Variants in TENM3 observed in about 807,000 individuals in gnomAD.
TENM3 encodes teneurin transmembrane protein 3.
Under a neutral mutation model 255.1 loss-of-function variants are expected in TENM3, and 63 were observed. The ratio of observed to expected loss-of-function variants is 0.25; its 90% CI spans 0.20 to 0.30. TENM3 has a LOEUF of 0.30. TENM3 is among the 10% of genes least tolerant of loss of function. The pLI is 1.00. For missense variants in TENM3, 2,929 were observed against 3,461.1 expected (o/e 0.85, Z 3.86); for synonymous variants, 1,306 against 1,322.3 (o/e 0.99, Z 0.27).
intron 1 of TENM3, among the ~76,000 whole-genome samples, chr4:182,160,060 C>T (rs7680780): frequency 0.15 from 22,313 of 146,724 alleles, 2,489 homozygotes; most frequent in East Asian, 0.38. Context: ...TGGAGTGCAG[C>T]GGTGCGATCT....
At chr4:182,394,170 A>G (rs986365303) in intron 3 of TENM3, among the ~76,000 whole-genome samples, 9 of 152,162 alleles carry the variant, frequency 5.9e-5, no homozygotes, top group African/African-American at 2.2e-4. Context: ...TTGGTCTCTA[A>G]CTGCTCGTGG....
the TENM3 span, among the ~76,000 whole-genome samples, chr4:181,968,990 C>CTATATATATA: frequency 6.3e-5 from 6 of 94,840 alleles, no homozygotes; most frequent in South Asian, 2.0e-3. Flanking sequence ...CTCTCTCTCT[C>CTATATATATA]TCTATATACA....
the TENM3 span, among the ~76,000 whole-genome samples, chr4:181,648,725 A>G: frequency 1.5e-3 from 229 of 152,288 alleles, no homozygotes; most frequent in South Asian, 4.8e-3. Flanking sequence ...TTAATTCTAA[A>G]CCTGTGTCCT....
intron 3 of TENM3, among the ~76,000 whole-genome samples, chr4:182,367,100 A>C (rs913595007): frequency 5.9e-5 from 9 of 152,028 alleles, no homozygotes; most frequent in African/African-American, 2.2e-4. Context: ...AGAGAAAAGC[A>C]ATGAGGATTC....
At chr4:181,485,566 A>C in the TENM3 span, among the ~76,000 whole-genome samples, 2 of 152,178 alleles carry the variant, frequency 1.3e-5, no homozygotes, top group African/African-American at 4.8e-5. Context: ...ACAGATTTTC[A>C]AAGTGGAAAC....
intron 23 of TENM3, 80 bp downstream of exon 23, chr4:182,773,727 C>A: frequency 2.4e-6 from 3 of 1,261,834 alleles, no homozygotes; most frequent in Non-Finnish European, 2.2e-6. Context: ...CCAAGGTGAA[C>A]CAGAAAAGGG....
rs1476066950 is a variant in TENM3 at position 182,731,079 on chromosome 4, A to C, written c.2907A>C (p.Ser969=). 2.5e-6 allele frequency: 4 copies of C among 1,613,820 alleles called. No homozygotes were observed. The Admixed American group carries it at 6.7e-5, about 27-fold the overall frequency. ...FVRPNPIIVS[S]PLSTFFRSSP... Reference sequence around the variant, plus strand: ...GGCCAAATCCCATCATTGTGTCATCACCTTTATCCACCTTTTTCAGATCTT... The same window carrying C: ...GGCCAAATCCCATCATTGTGTCATCCCCTTTATCCACCTTTTTCAGATCTT... The change falls in exon 16 of 28, where the codon TCA becomes TCC. Residue 969 remains serine, a synonymous_variant. Transcript: ENST00000511685.
the TENM3 span, among the ~76,000 whole-genome samples, chr4:182,122,813 C>T: frequency 6.6e-6 from 1 of 152,220 alleles, no homozygotes; most frequent in African/African-American, 2.4e-5. Flanking sequence ...TGACTTGTCT[C>T]TAGCTATGAA....
the TENM3 span, among the ~76,000 whole-genome samples, chr4:181,971,996 G>A: frequency 3.4e-5 from 5 of 148,930 alleles, no homozygotes; most frequent in African/African-American, 1.3e-4. Context: ...GTTCCATTCA[G>A]GAAGATTACT....
the TENM3 span, among the ~76,000 whole-genome samples, chr4:181,694,852 C>G: frequency 6.6e-6 from 1 of 152,174 alleles, no homozygotes; most frequent in African/African-American, 2.4e-5. Context: ...TAAGACTCTG[C>G]TATCCTAGAA....
At chr4:182,526,723 C>T (rs1440229388) in intron 3 of TENM3, among the ~76,000 whole-genome samples, 3 of 152,160 alleles carry the variant, frequency 2.0e-5, no homozygotes, top group Non-Finnish European at 4.4e-5. Flanking sequence ...TGTGGAGCCT[C>T]AATAGCTGCT....
chr4:182,737,996 A>G (rs1761303867), intron 17 of TENM3, among the ~76,000 whole-genome samples: 3 of 152,144 alleles, frequency 2.0e-5, no homozygotes, highest in South Asian at 4.1e-4. Flanking sequence ...AATATTTTCC[A>G]TAATTTAACA....
intron 3 of TENM3, among the ~76,000 whole-genome samples, chr4:182,437,289 T>C (rs1353259491): frequency 6.6e-6 from 1 of 152,154 alleles, no homozygotes; most frequent in African/African-American, 2.4e-5. Context: ...TTATAGTGGA[T>C]AGATAGGCAA....
chr4:181,903,060 A>G, the TENM3 span, among the ~76,000 whole-genome samples: 1 of 152,182 alleles, frequency 6.6e-6, no homozygotes, highest in African/African-American at 2.4e-5. Flanking sequence ...TGCTTTATCC[A>G]TGAGTGGTTT....
the TENM3 span, among the ~76,000 whole-genome samples, chr4:181,477,500 T>G: frequency 1.3e-5 from 2 of 152,188 alleles, no homozygotes; most frequent in African/African-American, 4.8e-5. Flanking sequence ...TTGGGATATT[T>G]TATTAGAAAT....
chr4:181,479,172 G>A, the TENM3 span, among the ~76,000 whole-genome samples: 1 of 152,054 alleles, frequency 6.6e-6, no homozygotes, highest in Non-Finnish European at 1.5e-5. Context: ...AATTTAATAT[G>A]GTTATTTTAA....
intron 3 of TENM3, among the ~76,000 whole-genome samples, chr4:182,554,415 C>A (rs1226212370): frequency 6.6e-6 from 1 of 152,160 alleles, no homozygotes; most frequent in Non-Finnish European, 1.5e-5. Context: ...ACTACATTAT[C>A]CTTGTAATTC....
chr4:182,069,801 T>C, the TENM3 span, among the ~76,000 whole-genome samples: 225 of 152,142 alleles, frequency 1.5e-3, 2 homozygotes, highest in Admixed American at 0.013. Flanking sequence ...GGCTTCTAAC[T>C]CTCTAAATTC....
At chr4:182,523,262 C>T (rs1738774503) in intron 3 of TENM3, among the ~76,000 whole-genome samples, 1 of 152,026 alleles carries the variant, frequency 6.6e-6, no homozygotes, top group Non-Finnish European at 1.5e-5. Flanking sequence ...GAGACCTCCA[C>T]TTCCAGTCCA....
Sources: allele counts gnomAD v4.1 joint callset (sites outside exome capture counted in the v4.1 genomes callset), GRCh38; gene constraint gnomAD v4.1.1; transcripts MANE v1.5; gene names NCBI Gene and HGNC (gene_info 2026-07-23, HGNC 2026-07-21).